Variants in TNFRSF10B observed in about 807,000 individuals in gnomAD.
The protein encoded by TNFRSF10B is TNF receptor superfamily member 10b.
In TNFRSF10B, 35 loss-of-function variants were observed where a neutral mutation model predicts 41.4. The observed-to-expected ratio is 0.85, with a 90% CI of 0.65 to 1.12. The LOEUF is 1.12. Ranked by LOEUF, TNFRSF10B falls within the 50% of genes most tolerant of loss-of-function variation. TNFRSF10B has a pLI of 0.00. For synonymous variants in TNFRSF10B, 230 were observed against 215.5 expected (o/e 1.07, Z -0.59); for missense variants, 584 against 552.7 (o/e 1.06, Z -0.57).
intron 7 of TNFRSF10B, 147 bp downstream of exon 7, chr8:23,026,986 C>G: frequency 8.3e-7 from 1 of 1,203,458 alleles, no homozygotes; most frequent in Non-Finnish European, 1.2e-6. Context: ...CACCTCAGTG[C>G]AGCTGCTCCA....
At chr8:23,058,966 A>G (rs185812322) in intron 1 of TNFRSF10B, among the ~76,000 whole-genome samples, 1 of 152,322 alleles carries the variant, frequency 6.6e-6, no homozygotes, top group East Asian at 1.9e-4. Flanking sequence ...TTGTTGTGCA[A>G]TAATCACAAC....
chr8:23,046,938 A>G (rs1429128832), intron 1 of TNFRSF10B, among the ~76,000 whole-genome samples: 1 of 152,202 alleles, frequency 6.6e-6, no homozygotes, highest in Non-Finnish European at 1.5e-5. Flanking sequence ...ATCTTACACC[A>G]TATACAAAAA....
At chr8:23,060,293 A>G (rs944925626) in intron 1 of TNFRSF10B, among the ~76,000 whole-genome samples, 2 of 151,998 alleles carry the variant, frequency 1.3e-5, no homozygotes, top group African/African-American at 4.8e-5. Context: ...TACATCTTTT[A>G]TTTGTTTTTA....
intron 2 of TNFRSF10B, among the ~76,000 whole-genome samples, chr8:23,041,900 G>T (rs1812213288): frequency 6.6e-6 from 1 of 152,246 alleles, no homozygotes; most frequent in East Asian, 1.9e-4. Flanking sequence ...CATGGGCTCA[G>T]TTGTGCCCCT....
chr8:23,025,422 G>A (rs192513961), intron 7 of TNFRSF10B, among the ~76,000 whole-genome samples: 6 of 152,202 alleles, frequency 3.9e-5, no homozygotes, highest in Non-Finnish European at 8.8e-5. Context: ...CTATGTGGGC[G>A]GGAGGGGTAC....
At chr8:23,027,091 G>T in intron 7 of TNFRSF10B, 42 bp downstream of exon 7, 1 of 1,612,892 alleles carries the variant, frequency 6.2e-7, no homozygotes, top group Non-Finnish European at 8.5e-7. Flanking sequence ...AATCCCAGGT[G>T]AGCAGCATGC....
At chr8:23,040,344 A>AAT (rs1163307639) in intron 2 of TNFRSF10B, among the ~76,000 whole-genome samples, 50 of 36,916 alleles carry the variant, frequency 1.4e-3, no homozygotes, top group African/African-American at 2.4e-3. Flanking sequence ...ATATTTATTA[A>AAT]ATATATACAA....
intron 2 of TNFRSF10B, among the ~76,000 whole-genome samples, chr8:23,035,623 A>AC (rs1417391239): frequency 6.6e-6 from 1 of 152,174 alleles, no homozygotes. Flanking sequence ...AGGGCCTTTT[A>AC]CCTCAGTAGA....
At chr8:23,057,113 C>T (rs1309076449) in intron 1 of TNFRSF10B, among the ~76,000 whole-genome samples, 4 of 147,708 alleles carry the variant, frequency 2.7e-5, no homozygotes, top group African/African-American at 7.8e-5. Flanking sequence ...AATCTTGGCT[C>T]ACTGCAAGCT....
chr8:23,029,168 C>T (rs976137383), intron 4 of TNFRSF10B, among the ~76,000 whole-genome samples: 4 of 152,156 alleles, frequency 2.6e-5, no homozygotes, highest in Admixed American at 2.6e-4. Context: ...AGGAGCTCCA[C>T]CCATGGCCTT....
At position 23,021,128 on chromosome 8, in the gene TNFRSF10B, A is replaced by G. The variant is rs893187502; in HGVS notation, c.*1543T>C. On this transcript the variant is annotated 3_prime_UTR_variant, in exon 9 of 9. Transcript: ENST00000276431. Reference sequence around the variant, plus strand: ...GACTACCTGCATAAATGATCCTTCCATGACTGAAATACTATGGAGAAGGGT... The same window carrying G: ...GACTACCTGCATAAATGATCCTTCCGTGACTGAAATACTATGGAGAAGGGT... 2.2e-6 allele frequency: 1 copy of G among 454,050 alleles called. No homozygotes were observed. The highest frequency in any genetic ancestry group is 4.4e-6 in the Non-Finnish European group (1 of 226,810). 28.1% of individuals were successfully genotyped at this position (454,050 alleles called of 1,614,324 possible). A position where few individuals can be genotyped will look rare whatever the true frequency, so the allele number is the denominator to read the frequency against.
At chr8:23,034,393 A>C (rs146825256) in intron 2 of TNFRSF10B, among the ~76,000 whole-genome samples, 18 of 152,320 alleles carry the variant, frequency 1.2e-4, no homozygotes, top group African/African-American at 4.1e-4. Context: ...ACCAGGTGGA[A>C]GCCACCAGAT....
At chr8:23,024,163 G>C (rs750376010) in intron 8 of TNFRSF10B, 25 bp downstream of exon 8, 1 of 1,613,784 alleles carries the variant, frequency 6.2e-7, no homozygotes, top group Admixed American at 1.7e-5. Context: ...CATTCCTGCT[G>C]CATCTCCAGG....
At chr8:23,056,134 G>C (rs1192601067) in intron 1 of TNFRSF10B, among the ~76,000 whole-genome samples, 1 of 152,160 alleles carries the variant, frequency 6.6e-6, no homozygotes, top group Admixed American at 6.5e-5. Context: ...AGAATTACCA[G>C]ATGATCCAGC....
At chr8:23,042,878 T>C (rs1812246535) in intron 2 of TNFRSF10B, 1 of 394,724 alleles carries the variant, frequency 2.5e-6, no homozygotes, top group Non-Finnish European at 4.6e-6. Flanking sequence ...AAGTCACCAT[T>C]GCCTGGAGGC....
chr8:23,030,774 T>C lies in TNFRSF10B; in HGVS notation c.349A>G (p.Thr117Ala), dbSNP rs985170916. The C allele has an allele frequency of 3.7e-6, 6 of 1,612,704 alleles. 1 individual carries two copies. The highest frequency in any genetic ancestry group is 3.3e-5 in the Admixed American group (2 of 59,872). The change falls in exon 3 of 9, where the codon ACC becomes GCC. Residue 117 changes from threonine (T) to alanine (A), a missense_variant. Physicochemically the swap from Thr to Ala is moderately conservative, Grantham distance 58. Coordinates refer to ENST00000276431, the MANE Select transcript of TNFRSF10B (RefSeq NM_003842.5). ...WNDLLFCLRC[T>A]RCDSGEVELS... ...TGTTCTGTACCTGAATCACACCTGG[T>C]GCAGCGCAAGCAGAAAAGGAGGTCA...
intron 1 of TNFRSF10B, among the ~76,000 whole-genome samples, chr8:23,058,649 C>T (rs1205725068): frequency 1.3e-5 from 2 of 152,032 alleles, no homozygotes; most frequent in Non-Finnish European, 2.9e-5. Context: ...CAATGCCCAG[C>T]TAATTTTGTA....
Position 23,022,079 on chromosome 8 carries a change from A to T in TNFRSF10B, c.*592T>A. 2.3e-6 allele frequency: 1 copy of T among 434,174 alleles called. No individual in the cohort carries two copies. Among genetic ancestry groups the T allele is most frequent in the South Asian group, 1.6e-5 (1 of 60,932 alleles). The allele number at this position is 434,174 out of a possible 1,614,324, so 26.9% of individuals were successfully genotyped here. On this transcript the variant is annotated 3_prime_UTR_variant, in exon 9 of 9. Coordinates refer to ENST00000276431, the MANE Select transcript of TNFRSF10B (RefSeq NM_003842.5). ...TTCGAGACCACCCTGAGCAACATAGAGAGCCCCTATATCTAGACAAAATAC... is the reference window on the plus strand; with the variant it reads ...TTCGAGACCACCCTGAGCAACATAGTGAGCCCCTATATCTAGACAAAATAC...
At chr8:23,052,393 C>G (rs938420534) in intron 1 of TNFRSF10B, among the ~76,000 whole-genome samples, 1 of 150,852 alleles carries the variant, frequency 6.6e-6, no homozygotes, top group African/African-American at 2.4e-5. Context: ...TCACACCATT[C>G]TCCTGCCTCA....
Sources: gnomAD v4.1 joint callset for allele counts (sites outside exome capture counted in the v4.1 genomes callset) on GRCh38, gnomAD v4.1.1 for gene constraint, MANE v1.5 for transcripts, NCBI Gene and HGNC (gene_info 2026-07-23, HGNC 2026-07-21) for gene names.